The following CCDC73 variants were observed in gnomAD, a reference collection of about 807,000 sequenced individuals.
The protein encoded by CCDC73 is coiled-coil domain-containing protein 73.
In CCDC73, 95 loss-of-function variants were observed where a neutral mutation model predicts 116.5. The observed-to-expected ratio is 0.82, with a 90% CI of 0.69 to 0.97. The LOEUF is 0.97. Among genes scored for constraint, CCDC73 ranks in the 50% least tolerant of loss-of-function variants. CCDC73 has a pLI of 0.00. For missense variants in CCDC73, 1,066 were observed against 1,206.8 expected (o/e 0.88, Z 1.73); for synonymous variants, 398 against 401.3 (o/e 0.99, Z 0.10).
At chr11:32,629,687 G>A (rs989022255) in intron 14 of CCDC73, among the ~76,000 whole-genome samples, 6 of 148,460 alleles carry the variant, frequency 4.0e-5, no homozygotes, top group Non-Finnish European at 8.9e-5. Flanking sequence ...AAGCCTCCGT[G>A]CCCAGCCGAT....
intron 1 of CCDC73, among the ~76,000 whole-genome samples, chr11:32,763,514 G>A (rs1396827877): frequency 2.0e-5 from 3 of 152,210 alleles, no homozygotes; most frequent in Non-Finnish European, 4.4e-5. Context: ...GGTCTTGAGT[G>A]GACCTCCAGC....
intron 1 of CCDC73, among the ~76,000 whole-genome samples, chr11:32,792,031 C>A (rs1181252129): frequency 6.6e-6 from 1 of 151,090 alleles, no homozygotes; most frequent in Non-Finnish European, 1.5e-5. Flanking sequence ...ATCCCCACCA[C>A]TGTTCTCATT....
intron 1 of CCDC73, among the ~76,000 whole-genome samples, chr11:32,773,660 C>G (rs1320164168): frequency 6.6e-6 from 1 of 151,736 alleles, no homozygotes; most frequent in Non-Finnish European, 1.5e-5. Flanking sequence ...TGGCACACAT[C>G]TCCCAGTTAC....
chr11:32,674,713 A>G (rs949185128), intron 9 of CCDC73, among the ~76,000 whole-genome samples: 8 of 152,182 alleles, frequency 5.3e-5, no homozygotes, highest in Non-Finnish European at 8.8e-5. Context: ...CTGGTTTATA[A>G]TCAGAAGCTA....
chr11:32,768,388 G>A (rs1850462517), intron 1 of CCDC73, among the ~76,000 whole-genome samples: 1 of 152,060 alleles, frequency 6.6e-6, no homozygotes, highest in African/African-American at 2.4e-5. Flanking sequence ...GAGTTAATGG[G>A]TGCAGCACAC....
At chr11:32,673,500 C>T (rs890006959) in intron 9 of CCDC73, among the ~76,000 whole-genome samples, 2 of 152,006 alleles carry the variant, frequency 1.3e-5, no homozygotes, top group African/African-American at 2.4e-5. Context: ...GATCCTTTAG[C>T]GTCAAGATGA....
Position 32,654,932 on chromosome 11 carries a change from A to T in CCDC73, c.686T>A (p.Val229Asp), listed in dbSNP as rs1241568855. The change falls in exon 10 of 18, where the codon GTC becomes GAC. Residue 229 changes from valine to aspartate, a missense_variant. Transcript: ENST00000335185. ...TTCTCCCATCTTATATTGACATGTG[A>T]CTTTGGACTTTATCAAGTCTGAGGC... ...KAASDLIKSKVTCQYKMGEEN... is the reference protein window; with the variant it reads ...KAASDLIKSKDTCQYKMGEEN... The T allele has an allele frequency of 6.2e-7, 1 of 1,602,342 alleles. No individual in the cohort carries two copies. The highest frequency in any genetic ancestry group is 1.8e-5 in the Admixed American group (1 of 56,676).
chr11:32,747,974 C>G (rs756134525), intron 2 of CCDC73, among the ~76,000 whole-genome samples: 1 of 152,194 alleles, frequency 6.6e-6, no homozygotes, highest in African/African-American at 2.4e-5. Flanking sequence ...CCAGTCCCAA[C>G]GAGATAAACC....
chr11:32,614,534 A>C lies in CCDC73; in HGVS notation c.1784T>G (p.Val595Gly). The change falls in exon 16 of 18, where the codon GTT becomes GGT. Residue 595 changes from valine to glycine, a missense_variant. Physicochemically the swap from Val to Gly is moderately radical, Grantham distance 109 (BLOSUM62 -3). Coordinates refer to ENST00000335185, the MANE Select transcript of CCDC73 (RefSeq NM_001008391.4). ...TTGTTTGAATGGCTCATTTTCAGAAACATCTTTATTATTATTGTGATATGT... is the reference window on the plus strand; with the variant it reads ...TTGTTTGAATGGCTCATTTTCAGAACCATCTTTATTATTATTGTGATATGT... ...HNTYHNNNKD[V>G]SENEPFKQFR... is the part of the protein sequence containing the mutation. The C allele has an allele frequency of 1.2e-6, 2 of 1,613,250 alleles. No individual in the cohort carries two copies. Among genetic ancestry groups the C allele is most frequent in the Non-Finnish European group, 1.7e-6 (2 of 1,179,476 alleles).
the CCDC73 span, among the ~76,000 whole-genome samples, chr11:32,814,936 C>T: frequency 6.6e-6 from 1 of 152,156 alleles, no homozygotes; most frequent in Non-Finnish European, 1.5e-5. Context: ...CAAAAGACCA[C>T]ATATTGTATG....
the CCDC73 span, among the ~76,000 whole-genome samples, chr11:32,827,543 T>C: frequency 6.6e-6 from 1 of 152,210 alleles, no homozygotes; most frequent in Non-Finnish European, 1.5e-5. Context: ...CCAAGGAATG[T>C]CATCAAAGTT....
intron 4 of CCDC73, among the ~76,000 whole-genome samples, chr11:32,701,327 T>C (rs777237399): frequency 9.9e-5 from 15 of 152,210 alleles, no homozygotes; most frequent in Non-Finnish European, 2.1e-4. Context: ...TCATTTGTAT[T>C]ATCATTGACA....
intron 12 of CCDC73, among the ~76,000 whole-genome samples, chr11:32,647,827 C>CA (rs879921318): frequency 0.027 from 2,599 of 94,672 alleles, 43 homozygotes; most frequent in East Asian, 0.093. Flanking sequence ...AACTAGCTCT[C>CA]AAAAAAAAAA....
At chr11:32,776,223 T>G (rs1850531167) in intron 1 of CCDC73, among the ~76,000 whole-genome samples, 3 of 152,182 alleles carry the variant, frequency 2.0e-5, no homozygotes, top group Admixed American at 6.6e-5. Context: ...CCTCATTACC[T>G]CAGACATGAA....
At chr11:32,731,659 G>C (rs913972865) in intron 2 of CCDC73, among the ~76,000 whole-genome samples, 2 of 151,912 alleles carry the variant, frequency 1.3e-5, no homozygotes, top group African/African-American at 4.8e-5. Flanking sequence ...ACAGGGTCTG[G>C]AGTGGACCTC....
intron 15 of CCDC73, among the ~76,000 whole-genome samples, chr11:32,615,185 A>G (rs1441975241): frequency 2.6e-5 from 4 of 152,110 alleles, no homozygotes; most frequent in African/African-American, 9.6e-5. Context: ...TCATAATAGC[A>G]AAGTATTTTT....
chr11:32,667,353 T>A (rs1855994609), intron 9 of CCDC73, among the ~76,000 whole-genome samples: 1 of 152,212 alleles, frequency 6.6e-6, no homozygotes, highest in South Asian at 2.1e-4. Context: ...TACTCAAGCC[T>A]CAGCAATGGT....
At chr11:32,673,166 A>G (rs887500385) in intron 9 of CCDC73, among the ~76,000 whole-genome samples, 3 of 152,224 alleles carry the variant, frequency 2.0e-5, no homozygotes, top group Non-Finnish European at 4.4e-5. Context: ...GGTATATGAA[A>G]ATATGTTCAA....
chr11:32,788,703 C>G (rs1421279675), intron 1 of CCDC73, among the ~76,000 whole-genome samples: 2 of 151,586 alleles, frequency 1.3e-5, no homozygotes, highest in East Asian at 1.9e-4. Context: ...TGGGCTCAAG[C>G]GGTCCTCCCA....
Sources: allele counts gnomAD v4.1 joint callset (sites outside exome capture counted in the v4.1 genomes callset), GRCh38; gene constraint gnomAD v4.1.1; transcripts MANE v1.5; gene names NCBI Gene and HGNC (gene_info 2026-07-23, HGNC 2026-07-21).